Variants in GALNT10 observed in about 807,000 individuals in gnomAD.
The protein encoded by GALNT10 is GalNAc transferase 10.
GALNT10 carries 41 observed loss-of-function variants against 75.0 expected under a neutral mutation model. The ratio of observed to expected loss-of-function variants is 0.55; its 90% CI spans 0.43 to 0.71. GALNT10 has a LOEUF of 0.71. Among genes scored for constraint, GALNT10 ranks in the 30% least tolerant of loss-of-function variants. GALNT10 has a pLI of 0.00. For synonymous variants in GALNT10, 302 were observed against 313.0 expected (o/e 0.96, Z 0.37); for missense variants, 727 against 818.5 (o/e 0.89, Z 1.36).
intron 1 of GALNT10, among the ~76,000 whole-genome samples, chr5:154,224,784 T>TC (rs1753035820): frequency 6.7e-6 from 1 of 148,500 alleles, no homozygotes; most frequent in Admixed American, 6.7e-5. Context: ...ACTTCTTTTT[T>TC]TTTTTTTTTT....
intron 1 of GALNT10, among the ~76,000 whole-genome samples, chr5:154,246,505 C>G (rs1223888467): frequency 6.6e-6 from 1 of 152,242 alleles, no homozygotes; most frequent in Non-Finnish European, 1.5e-5. Context: ...GCCATTCTAA[C>G]TGGTGTGAGA....
intron 1 of GALNT10, among the ~76,000 whole-genome samples, chr5:154,285,575 C>T (rs927779963): frequency 5.9e-5 from 9 of 152,102 alleles, no homozygotes; most frequent in Admixed American, 3.3e-4. Flanking sequence ...GACTCAAACC[C>T]ACAGGACCCT....
Position 154,298,517 on chromosome 5 carries a change from A to G in GALNT10, c.401+438A>G, listed in dbSNP as rs1268094696. ...TATCAGAATGATTATAAAGATGACA[A>G]CAATGGCATCTAACATTCTTTGAAC... On this transcript the variant is annotated intron_variant, in intron 3 of 11. Coordinates refer to ENST00000297107, the MANE Select transcript of GALNT10 (RefSeq NM_198321.4). The surrounding 1 kb of genome is among the most constrained non-coding windows in gnomAD (Gnocchi z 4.1). Among the ~76,000 whole-genome samples, 1 of 152,222 alleles carries G rather than the reference A, an allele frequency of 6.6e-6. No homozygotes were observed. The highest frequency in any genetic ancestry group is 1.9e-4 in the East Asian group (1 of 5,198).
rs1221524785 is a variant in GALNT10, at chr5:154,409,603, G to C, written c.1227G>C (p.Arg409=). ...DEYAEYIYQR[R]PEYRHLSAGD... The stretch of plus-strand genomic sequence containing the variant: ...ACGCAGAGTACATTTACCAGCGCCG[G>C]CCTGAATACCGCCACCTCTCCGCTG... Residue 409 remains arginine (R), a synonymous_variant, in exon 9 of 12, where the codon CGG becomes CGC. Coordinates refer to ENST00000297107, the MANE Select transcript of GALNT10 (RefSeq NM_198321.4). This position sits in a 1 kb window ranked among gnomAD's most constrained non-coding sequence, Gnocchi z 4.5. The C allele has an allele frequency of 3.7e-6, 6 of 1,613,944 alleles. No individual in the cohort carries two copies. The highest frequency in any genetic ancestry group is 5.1e-6 in the Non-Finnish European group (6 of 1,179,932).
intron 3 of GALNT10, among the ~76,000 whole-genome samples, chr5:154,320,335 A>G (rs950033716): frequency 3.3e-5 from 5 of 152,164 alleles, no homozygotes; most frequent in African/African-American, 1.2e-4. Flanking sequence ...ACTTCCCTTA[A>G]TGCATGATGG....
intron 3 of GALNT10, among the ~76,000 whole-genome samples, chr5:154,322,237 G>A (rs1016089326): frequency 3.9e-5 from 6 of 152,066 alleles, no homozygotes; most frequent in African/African-American, 1.5e-4. Context: ...GAGGACTGAG[G>A]CTCCTGTTCC....
At chr5:154,211,657 T>C (rs967886351) in intron 1 of GALNT10, among the ~76,000 whole-genome samples, 1 of 152,208 alleles carries the variant, frequency 6.6e-6, no homozygotes, top group Non-Finnish European at 1.5e-5. Flanking sequence ...GGTGGTACAG[T>C]GTCTCTCATG....
intron 1 of GALNT10, among the ~76,000 whole-genome samples, chr5:154,259,298 T>C (rs1256894798): frequency 6.6e-6 from 1 of 152,186 alleles, no homozygotes; most frequent in Non-Finnish European, 1.5e-5. Context: ...TGTTCTCTCA[T>C]GATTAATTTG....
chr5:154,198,548 T>C (rs1774980216), intron 1 of GALNT10, among the ~76,000 whole-genome samples: 1 of 152,198 alleles, frequency 6.6e-6, no homozygotes, highest in Non-Finnish European at 1.5e-5. Flanking sequence ...AGAAGCCAGG[T>C]GGGTGCAGTC....
At chr5:154,361,360 T>G (rs976451430) in intron 4 of GALNT10, among the ~76,000 whole-genome samples, 1 of 152,196 alleles carries the variant, frequency 6.6e-6, no homozygotes, top group African/African-American at 2.4e-5. Flanking sequence ...AACCTCGATT[T>G]TCTCATTTCT....
intron 1 of GALNT10, among the ~76,000 whole-genome samples, chr5:154,192,876 G>A (rs865977166): frequency 2.0e-5 from 3 of 152,150 alleles, no homozygotes; most frequent in Non-Finnish European, 4.4e-5. Context: ...AAGACATCCT[G>A]ATTTTCATTT....
In GALNT10 at chr5:154,231,213, T is replaced by A. The variant is rs1256205900; in HGVS notation, c.159+40188T>A. 2.0e-5 allele frequency among the ~76,000 whole-genome samples: 3 copies of A among 152,366 alleles called. No homozygotes were observed. The East Asian group carries it at 5.8e-4, about 29-fold the overall frequency. On this transcript the variant is annotated intron_variant, in intron 1 of 11. Coordinates refer to ENST00000297107, the MANE Select transcript of GALNT10 (RefSeq NM_198321.4). ...TTTTCAGAAAGCTGTGTGTTACTGA[T>A]CCTGAGTGGACATCTTTCCAAGTTG...
chr5:154,203,446 C>G (rs1775057486), intron 1 of GALNT10, among the ~76,000 whole-genome samples: 2 of 152,310 alleles, frequency 1.3e-5, no homozygotes, highest in Admixed American at 6.5e-5. Context: ...TTGAACACCC[C>G]CAGTGATGGG....
intron 4 of GALNT10, chr5:154,337,659 T>C: frequency 9.9e-7 from 1 of 1,012,844 alleles, no homozygotes; most frequent in Non-Finnish European, 1.5e-6. Flanking sequence ...GTAGCTTCCA[T>C]CACCTCCAGA....
At chr5:154,266,267 T>C (rs981527289) in intron 1 of GALNT10, among the ~76,000 whole-genome samples, 2 of 152,092 alleles carry the variant, frequency 1.3e-5, no homozygotes, top group East Asian at 1.9e-4. Context: ...GAAAGCAGGC[T>C]CCAGACCTCC....
intron 1 of GALNT10, among the ~76,000 whole-genome samples, chr5:154,285,844 AC>A (rs1225442425): frequency 1.2e-4 from 18 of 152,232 alleles, no homozygotes; most frequent in Admixed American, 1.2e-3. Context: ...ACCCCTGTCC[AC>A]CTCTCATTCC....
chr5:154,269,961 C>G (rs1164285590), intron 1 of GALNT10, among the ~76,000 whole-genome samples: 2 of 151,974 alleles, frequency 1.3e-5, no homozygotes, highest in East Asian at 1.9e-4. Context: ...CTGACCCAAG[C>G]AGGGATACTG....
chr5:154,401,973 T>A (rs1291888492), intron 7 of GALNT10, among the ~76,000 whole-genome samples: 1 of 152,190 alleles, frequency 6.6e-6, no homozygotes, highest in East Asian at 1.9e-4. Flanking sequence ...TGAATCCAGC[T>A]GTGTCCCCCC....
intron 1 of GALNT10, among the ~76,000 whole-genome samples, chr5:154,280,002 C>T (rs1754014925): frequency 6.6e-6 from 1 of 152,048 alleles, no homozygotes; most frequent in Non-Finnish European, 1.5e-5. Flanking sequence ...GATAAGGAAT[C>T]CACCTAAGTA....
Sources: gnomAD v4.1 joint callset for allele counts (sites outside exome capture counted in the v4.1 genomes callset) on GRCh38, gnomAD v4.1.1 for gene constraint, Gnocchi (gnomAD v3.1) non-coding constraint, MANE v1.5 for transcripts, NCBI Gene and HGNC (gene_info 2026-07-23, HGNC 2026-07-21) for gene names.